The following NT5DC1 variants were observed in gnomAD, a reference collection of about 807,000 sequenced individuals.
NT5DC1 encodes the protein 5'-nucleotidase domain containing 1.
A neutral mutation model predicts 59.4 loss-of-function variants in NT5DC1; 42 were observed. That is an observed-to-expected ratio of 0.71 (90% CI 0.55 to 0.92). NT5DC1 has a LOEUF of 0.92. NT5DC1 is among the 40% of genes least tolerant of loss of function. The probability of loss-of-function intolerance (pLI) is 0.00; values close to 1 mark genes in which losing one functional copy is unlikely to be tolerated. For missense variants in NT5DC1, 501 were observed against 537.1 expected (o/e 0.93, Z 0.66); for synonymous variants, 172 against 188.1 (o/e 0.91, Z 0.70).
At chr6:116,230,594 T>C (rs946943624) in intron 8 of NT5DC1, among the ~76,000 whole-genome samples, 1 of 152,224 alleles carries the variant, frequency 6.6e-6, no homozygotes, top group Non-Finnish European at 1.5e-5. Context: ...ATGCTACTGG[T>C]TGGAAGATCA....
chr6:116,129,200 A>G (rs1278514360), intron 6 of NT5DC1, among the ~76,000 whole-genome samples: 1 of 152,236 alleles, frequency 6.6e-6, no homozygotes, highest in African/African-American at 2.4e-5. Flanking sequence ...TGTAGTTCAC[A>G]TACATATATA....
intron 6 of NT5DC1, among the ~76,000 whole-genome samples, chr6:116,130,508 A>C (rs1008930476): frequency 1.3e-5 from 2 of 151,484 alleles, no homozygotes; most frequent in African/African-American, 4.9e-5. Context: ...CAGATCTACA[A>C]TAAGACATTT....
intron 6 of NT5DC1, chr6:116,120,491 G>T: frequency 6.2e-7 from 1 of 1,614,072 alleles, no homozygotes; most frequent in East Asian, 2.2e-5. Context: ...CCCCTGGTTG[G>T]CACTAACAAG....
At chr6:116,111,230 A>G (rs775639436) in intron 4 of NT5DC1, among the ~76,000 whole-genome samples, 3 of 152,240 alleles carry the variant, frequency 2.0e-5, no homozygotes, top group African/African-American at 4.8e-5. Flanking sequence ...GAATAATACA[A>G]TCCTTAGTTG....
intron 8 of NT5DC1, among the ~76,000 whole-genome samples, chr6:116,234,215 C>T (rs536831109): frequency 6.6e-6 from 1 of 152,076 alleles, no homozygotes; most frequent in African/African-American, 2.4e-5. Flanking sequence ...CTGCCTCAGC[C>T]TCCCAAAGTG....
chr6:116,114,300 C>G (rs1026052419), intron 4 of NT5DC1, among the ~76,000 whole-genome samples: 1 of 151,912 alleles, frequency 6.6e-6, no homozygotes, highest in Non-Finnish European at 1.5e-5. Flanking sequence ...AAGTAAGAGG[C>G]AGAAAACAAT....
At chr6:116,184,395 AG>A (rs747376460) in intron 6 of NT5DC1, among the ~76,000 whole-genome samples, 9 of 152,202 alleles carry the variant, frequency 5.9e-5, no homozygotes, top group Non-Finnish European at 1.2e-4. Flanking sequence ...TTTTGGTATT[AG>A]GGTGATACTG....
At chr6:116,162,846 C>T (rs778504371) in intron 6 of NT5DC1, among the ~76,000 whole-genome samples, 4 of 151,892 alleles carry the variant, frequency 2.6e-5, no homozygotes, top group Non-Finnish European at 4.4e-5. Flanking sequence ...ATTTTTAGGC[C>T]GGGCACAGTG....
chr6:116,249,039 T>C lies in NT5DC1; in HGVS notation c.*5015T>C, dbSNP rs1363224874. 1 of 152,114 alleles carries C rather than the reference T, an allele frequency of 6.6e-6. No homozygotes were observed. The highest frequency in any genetic ancestry group is 1.5e-5 in the Non-Finnish European group (1 of 68,006). The allele number at this position is 152,114 out of a possible 1,614,324, so 9.4% of individuals were successfully genotyped here. On this transcript the variant is annotated 3_prime_UTR_variant, in exon 12 of 12. Coordinates refer to ENST00000319550, the MANE Select transcript of NT5DC1 (RefSeq NM_152729.3). The stretch of plus-strand genomic sequence containing the variant: ...TTTCTGATTACATCCAGAACAGGCA[T>C]AGAAAAGGTATAATAAAGCTTGAAA...
chr6:116,214,866 G>C (rs1781660301), intron 6 of NT5DC1, among the ~76,000 whole-genome samples: 1 of 151,874 alleles, frequency 6.6e-6, no homozygotes, highest in South Asian at 2.1e-4. Flanking sequence ...TGGAGGCATA[G>C]ACTCAAGCAA....
At chr6:116,227,576 C>T (rs1307253735) in intron 8 of NT5DC1, among the ~76,000 whole-genome samples, 1 of 152,078 alleles carries the variant, frequency 6.6e-6, no homozygotes, top group Non-Finnish European at 1.5e-5. Flanking sequence ...AATTTACAAT[C>T]CCACCAAGAA....
chr6:116,234,939 AATT>A (rs1459341080), intron 8 of NT5DC1, among the ~76,000 whole-genome samples: 1 of 151,858 alleles, frequency 6.6e-6, no homozygotes, highest in Non-Finnish European at 1.5e-5. Context: ...CTTGTAAATT[AATT>A]ATTCCTTAAG....
intron 6 of NT5DC1, among the ~76,000 whole-genome samples, chr6:116,176,229 C>G (rs893864968): frequency 6.6e-6 from 1 of 152,146 alleles, no homozygotes. Flanking sequence ...CTAAGTTTTC[C>G]TCAGGATTAC....
intron 6 of NT5DC1, among the ~76,000 whole-genome samples, chr6:116,208,139 C>T (rs1462174999): frequency 1.3e-5 from 2 of 151,884 alleles, no homozygotes; most frequent in African/African-American, 4.8e-5. Flanking sequence ...TTTCTATGTT[C>T]CTGTTATTTT....
At chr6:116,145,769 T>C (rs1349624098) in intron 6 of NT5DC1, among the ~76,000 whole-genome samples, 1 of 152,190 alleles carries the variant, frequency 6.6e-6, no homozygotes, top group Non-Finnish European at 1.5e-5. Flanking sequence ...TACCAATTCA[T>C]TTTTTATTTA....
chr6:116,226,126 T>A (rs998426607), intron 8 of NT5DC1, among the ~76,000 whole-genome samples: 4 of 152,220 alleles, frequency 2.6e-5, no homozygotes, highest in African/African-American at 9.6e-5. Flanking sequence ...TCCTTGATAT[T>A]AAGAAATAAT....
intron 6 of NT5DC1, among the ~76,000 whole-genome samples, chr6:116,167,231 T>G (rs1333157702): frequency 1.5e-5 from 2 of 132,172 alleles, no homozygotes; most frequent in Non-Finnish European, 3.2e-5. Context: ...TTTTTTTTTT[T>G]GAGACAGAAT....
At chr6:116,206,775 T>C (rs1781460915) in intron 6 of NT5DC1, among the ~76,000 whole-genome samples, 1 of 152,014 alleles carries the variant, frequency 6.6e-6, no homozygotes, top group Non-Finnish European at 1.5e-5. Flanking sequence ...TTCTTTGCCA[T>C]AGTTTTTAGA....
chr6:116,231,559 C>G (rs183709462), intron 8 of NT5DC1, among the ~76,000 whole-genome samples: 1 of 152,170 alleles, frequency 6.6e-6, no homozygotes, highest in Non-Finnish European at 1.5e-5. Flanking sequence ...ACTGCTATAT[C>G]CCTACTGACT....
Sources: gnomAD v4.1 joint callset for allele counts (sites outside exome capture counted in the v4.1 genomes callset) on GRCh38, gnomAD v4.1.1 for gene constraint, MANE v1.5 for transcripts, NCBI Gene and HGNC (gene_info 2026-07-23, HGNC 2026-07-21) for gene names.